NTM: variants seen among roughly 807,000 people sequenced by gnomAD.
NTM encodes the protein IgLON family member 2.
A neutral mutation model predicts 42.1 loss-of-function variants in NTM; 13 were observed. The observed-to-expected ratio is 0.31, with a 90% CI of 0.20 to 0.49. The LOEUF (loss-of-function observed/expected upper bound fraction) is 0.49, where lower values mean the gene tolerates loss of function less well. Ranked by LOEUF, NTM falls within the 20% of genes least tolerant of loss-of-function variation. The probability of loss-of-function intolerance (pLI) is 0.99; values close to 1 mark genes in which losing one functional copy is unlikely to be tolerated. For missense variants in NTM, 373 were observed against 452.8 expected (o/e 0.82, Z 1.60); for synonymous variants, 187 against 179.2 (o/e 1.04, Z -0.35).
At chr11:131,387,190 A>T (rs1445101655) in intron 1 of NTM, among the ~76,000 whole-genome samples, 1 of 152,130 alleles carries the variant, frequency 6.6e-6, no homozygotes, top group East Asian at 1.9e-4. Context: ...TTCGGCACTC[A>T]ATTCATATTG....
At chr11:132,323,279 C>T (rs1364184558) in intron 7 of NTM, among the ~76,000 whole-genome samples, 3 of 151,720 alleles carry the variant, frequency 2.0e-5, no homozygotes, top group Non-Finnish European at 4.4e-5. Flanking sequence ...TGATAGACCG[C>T]TAGCAAGACT....
intron 1 of NTM, among the ~76,000 whole-genome samples, chr11:131,449,685 T>C (rs924578243): frequency 6.6e-6 from 1 of 152,166 alleles, no homozygotes; most frequent in African/African-American, 2.4e-5. Context: ...CAGCTGGCCC[T>C]TCAGAGAAGC....
intron 4 of NTM, among the ~76,000 whole-genome samples, chr11:132,275,692 A>T (rs1430146577): frequency 8.4e-5 from 7 of 83,324 alleles, no homozygotes; most frequent in Non-Finnish European, 1.7e-4. Flanking sequence ...TTGATGTTTT[A>T]TATATATATG....
At chr11:131,769,641 C>T (rs766801933) in intron 1 of NTM, 306 of 946,012 alleles carry the variant, frequency 3.2e-4, no homozygotes, top group Non-Finnish European at 3.8e-4. Flanking sequence ...GAGCAGATAG[C>T]ATGAGCTCGC....
intron 1 of NTM, among the ~76,000 whole-genome samples, chr11:131,864,520 C>T (rs1374409762): frequency 6.6e-6 from 1 of 152,234 alleles, no homozygotes; most frequent in Non-Finnish European, 1.5e-5. Flanking sequence ...CAGTGCAAGG[C>T]TCTGAAACCC....
intron 2 of NTM, among the ~76,000 whole-genome samples, chr11:131,972,673 T>C (rs2063729667): frequency 6.6e-6 from 1 of 152,186 alleles, no homozygotes; most frequent in Non-Finnish European, 1.5e-5. Context: ...TGTTCATCTG[T>C]GCTGATGGAA....
At chr11:132,306,611 G>A (rs917995587) in intron 4 of NTM, 6 of 152,120 alleles carry the variant, frequency 3.9e-5, no homozygotes, top group African/African-American at 1.4e-4. Flanking sequence ...TATTATGTTT[G>A]GGAAAATGCT....
At chr11:132,084,692 T>G (rs11222911) in intron 2 of NTM, among the ~76,000 whole-genome samples, 19,492 of 152,250 alleles carry the variant, frequency 0.13, 1,392 homozygotes, top group African/African-American at 0.2. Context: ...AAACCTTTAC[T>G]CATTAAGAGG....
intron 2 of NTM, among the ~76,000 whole-genome samples, chr11:132,073,302 A>C (rs898481779): frequency 6.6e-6 from 1 of 152,190 alleles, no homozygotes; most frequent in Admixed American, 6.5e-5. Context: ...CAGTTTATCC[A>C]ACTAGAAAAA....
chr11:131,761,852 TA>T (rs2084252943), intron 1 of NTM, among the ~76,000 whole-genome samples: 3 of 131,630 alleles, frequency 2.3e-5, no homozygotes, highest in Admixed American at 7.6e-5. Context: ...AATAAATAAA[TA>T]AATAAATAAT....
At chr11:132,251,862 G>A (rs1443315649) in intron 4 of NTM, among the ~76,000 whole-genome samples, 1 of 152,228 alleles carries the variant, frequency 6.6e-6, no homozygotes, top group East Asian at 1.9e-4. Flanking sequence ...GGCAAATGTA[G>A]GGCCAGGAAG....
At chr11:131,425,491 A>G (rs1328335351) in intron 1 of NTM, among the ~76,000 whole-genome samples, 1 of 152,206 alleles carries the variant, frequency 6.6e-6, no homozygotes, top group Non-Finnish European at 1.5e-5. Flanking sequence ...GAGAGAGGAA[A>G]AAGTCCAAAG....
intron 1 of NTM, among the ~76,000 whole-genome samples, chr11:131,718,615 G>T (rs2135378098): frequency 6.6e-6 from 1 of 152,254 alleles, no homozygotes; most frequent in Non-Finnish European, 1.5e-5. Flanking sequence ...CCGGCCTTTG[G>T]GAAGTTTTAT....
At chr11:131,492,721 C>G (rs895893966) in intron 1 of NTM, among the ~76,000 whole-genome samples, 3 of 152,060 alleles carry the variant, frequency 2.0e-5, no homozygotes, top group Non-Finnish European at 4.4e-5. Flanking sequence ...GCATGAATAT[C>G]AAGTTGAAAA....
At chr11:131,783,231 A>T (rs11222794) in intron 1 of NTM, among the ~76,000 whole-genome samples, 42,065 of 152,012 alleles carry the variant, frequency 0.28, 5,965 homozygotes, top group Non-Finnish European at 0.31. Flanking sequence ...AGGGTCATCC[A>T]AAAGCATAAA....
At chr11:131,577,173 C>A (rs773149874) in intron 1 of NTM, among the ~76,000 whole-genome samples, 2 of 152,178 alleles carry the variant, frequency 1.3e-5, no homozygotes, top group Non-Finnish European at 2.9e-5. Context: ...GCATTTCCCT[C>A]ATTAACACTG....
intron 1 of NTM, among the ~76,000 whole-genome samples, chr11:131,740,696 G>A (rs1156512602): frequency 1.3e-5 from 2 of 151,956 alleles, no homozygotes; most frequent in Non-Finnish European, 2.9e-5. Flanking sequence ...TCCTCTCCAT[G>A]CAGTAAAACA....
intron 1 of NTM, among the ~76,000 whole-genome samples, chr11:131,691,146 G>C (rs1023336843): frequency 1.1e-4 from 17 of 152,292 alleles, no homozygotes; most frequent in Admixed American, 5.2e-4. Flanking sequence ...TGCAGCCCCC[G>C]GAGGGCGCAC....
intron 4 of NTM, among the ~76,000 whole-genome samples, chr11:132,224,023 T>G (rs546160436): frequency 6.6e-6 from 1 of 152,278 alleles, no homozygotes; most frequent in Non-Finnish European, 1.5e-5. Flanking sequence ...AGGATATCAG[T>G]CATTGGCAGA....
Sources: allele counts gnomAD v4.1 joint callset (sites outside exome capture counted in the v4.1 genomes callset), GRCh38; gene constraint gnomAD v4.1.1; transcripts MANE v1.5; gene names NCBI Gene and HGNC (gene_info 2026-07-23, HGNC 2026-07-21).